NFKB2: variants seen among roughly 807,000 people sequenced by gnomAD.
The protein encoded by NFKB2 is nuclear factor NF-kappa-B p100 subunit.
A neutral mutation model predicts 109.3 loss-of-function variants in NFKB2; 21 were observed. The ratio of observed to expected loss-of-function variants is 0.19; its 90% CI spans 0.14 to 0.28. The LOEUF is 0.28. NFKB2 is among the 10% of genes least tolerant of loss of function. NFKB2 has a pLI of 1.00. For missense variants in NFKB2, 806 were observed against 1,185.3 expected (o/e 0.68, Z 4.70); for synonymous variants, 478 against 489.9 (o/e 0.98, Z 0.32).
In NFKB2 at chr10:102,399,202, C is replaced by T. The variant is rs1589864306; in HGVS notation, c.1118-86C>T. ...TGCACTCCAGGCTGGGCAATAAGAG[C>T]GAAACTCCGTCTCAAAAAAAAAAAA... On this transcript the variant is annotated intron_variant, in intron 12 of 22. Coordinates refer to ENST00000661543, the MANE Select transcript of NFKB2 (RefSeq NM_001322934.2). 11 of 1,309,350 alleles carry T rather than the reference C, an allele frequency of 8.4e-6. No homozygotes were observed. In the East Asian group the frequency reaches 2.5e-4, roughly 30 times the overall value. 81.1% of individuals were successfully genotyped at this position (1,309,350 alleles called of 1,614,324 possible).
rs750923303 is a variant in NFKB2, at chr10:102,399,272, C to A, written c.1118-16C>A. On this transcript the variant is annotated splice_polypyrimidine_tract_variant and intron_variant, in intron 12 of 22. Coordinates refer to ENST00000661543, the MANE Select transcript of NFKB2 (RefSeq NM_001322934.2). ...TGGCTGGTGCCCGCTTCCCACAGCC[C>A]TGCCTGTATCCACAGGTGGCAGCCT... is the stretch of plus-strand genomic sequence containing the variant. 1.9e-6 allele frequency: 3 copies of A among 1,582,394 alleles called. No individual in the cohort carries two copies. The highest frequency in any genetic ancestry group is 2.6e-6 in the Non-Finnish European group (3 of 1,164,696).
Position 102,395,736 on chromosome 10 carries a change from A to T in NFKB2, c.-133A>T. ...CCTGCCCCTTCCCCGGCCAAGCCCA[A>T]CTCCGGATCTCGCTCTCCACCGGAT... On this transcript the variant is annotated 5_prime_UTR_variant, in exon 1 of 23. Coordinates refer to ENST00000661543, the MANE Select transcript of NFKB2 (RefSeq NM_001322934.2). 3.3e-6 allele frequency: 2 copies of T among 598,186 alleles called. No homozygotes were observed. The highest frequency in any genetic ancestry group is 3.9e-5 in the South Asian group (2 of 50,700). The allele number at this position is 598,186 out of a possible 1,614,324, so 37.1% of individuals were successfully genotyped here. A position where few individuals can be genotyped will look rare whatever the true frequency, so the allele number is the denominator to read the frequency against.
At position 102,399,466 on chromosome 10, in the gene NFKB2, C is replaced by G; in HGVS notation, c.1296C>G (p.Cys432Trp). The change falls in exon 13 of 23, where the codon TGC becomes TGG. Residue 432 changes from cysteine to tryptophan, a missense_variant. This residue lies in a region of NFKB2 where 209 missense variants were observed against 211.9 expected (regional missense o/e 0.99). Coordinates refer to ENST00000661543, the MANE Select transcript of NFKB2 (RefSeq NM_001322934.2). ...EPSAPSRTPQ[C>W]EPQAPEMLQR... ...GCGCCCCCTCCAGGACCCCCCAGTG[C>G]GAGCCGCAGGCCCCGGAGATGCTGC... The G allele has an allele frequency of 6.7e-7, 1 of 1,501,710 alleles. No individual in the cohort carries two copies. The highest frequency in any genetic ancestry group is 8.9e-7 in the Non-Finnish European group (1 of 1,123,120). 93.0% of individuals were successfully genotyped at this position (1,501,710 alleles called of 1,614,324 possible). A position where few individuals can be genotyped will look rare whatever the true frequency, so the allele number is the denominator to read the frequency against.
Position 102,398,933 on chromosome 10 carries a change from G to A in NFKB2, c.1117+69G>A. ...TGTGGAGGAAAAAAATCTGGGGGAGGCCGGGCGTGGTGGCTCACGCCTGTA... is the reference window on the plus strand; with the variant it reads ...TGTGGAGGAAAAAAATCTGGGGGAGACCGGGCGTGGTGGCTCACGCCTGTA... On this transcript the variant is annotated intron_variant, in intron 12 of 22. Coordinates refer to ENST00000661543, the MANE Select transcript of NFKB2 (RefSeq NM_001322934.2). The surrounding 1 kb of genome is among the most constrained non-coding windows in gnomAD (Gnocchi z 6.6). 3.3e-6 allele frequency: 5 copies of A among 1,517,506 alleles called. No individual in the cohort carries two copies. Among genetic ancestry groups the A allele is most frequent in the Non-Finnish European group, 4.5e-6 (5 of 1,121,158 alleles). The allele number at this position is 1,517,506 out of a possible 1,614,324, so 94.0% of individuals were successfully genotyped here. A position where few individuals can be genotyped will look rare whatever the true frequency, so the allele number is the denominator to read the frequency against.
rs746381549 is a variant in NFKB2 at position 102,397,309 on chromosome 10, A to G, written c.403A>G (p.Asn135Asp). 1 of 1,614,104 alleles carries G rather than the reference A, an allele frequency of 6.2e-7. No individual in the cohort carries two copies. The highest frequency in any genetic ancestry group is 8.5e-7 in the Non-Finnish European group (1 of 1,179,946). ...GPKDMTAQFN[N>D]LGVLHVTKKN... ...CCGATTCTCTCTTCTCAGATTTAAC[A>G]ACCTGGGTGTCCTGCATGTGACTAA... Residue 135 changes from asparagine to aspartate, a missense_variant, in exon 7 of 23, where the codon AAC becomes GAC. Asn to Asp is a conservative substitution (Grantham distance 23). Transcript: ENST00000661543. The surrounding 1 kb of genome is among the most constrained non-coding windows in gnomAD (Gnocchi z 4.7).
upstream of NFKB2, chr10:102,394,412 CAG>C: frequency 6.6e-6 from 1 of 152,642 alleles, no homozygotes; most frequent in South Asian, 2.1e-4. Flanking sequence ...TGCGCCAGTC[CAG>C]AGTTAAACTT....
upstream of NFKB2, chr10:102,394,735 G>A (rs11574844): frequency 6.6e-6 from 1 of 152,646 alleles, no homozygotes; most frequent in African/African-American, 2.4e-5. Flanking sequence ...GACGACACTC[G>A]GATCCACGTC....
In NFKB2 at chr10:102,397,627, T is replaced by C; in HGVS notation, c.603T>C (p.Ser201=). The change falls in exon 8 of 23, where the codon AGT becomes AGC. Residue 201 remains serine (S), a synonymous_variant. Transcript: ENST00000661543. This position sits in a 1 kb window ranked among gnomAD's most constrained non-coding sequence, Gnocchi z 4.7. The stretch of plus-strand genomic sequence containing the variant: ...GCTTCTCTGCCTTCCTTAGAGCCAG[T>C]GATGGCTCCTTCTCCCTGCCCCTGA... ...RLRFSAFLRA[S]DGSFSLPLKP... 2 of 1,613,876 alleles carry C rather than the reference T, an allele frequency of 1.2e-6. No individual in the cohort carries two copies. Among genetic ancestry groups the C allele is most frequent in the Non-Finnish European group, 1.7e-6 (2 of 1,179,766 alleles).
In NFKB2 at chr10:102,401,081, G is replaced by A. The variant is rs1364214805; in HGVS notation, c.2071+32G>A. On this transcript the variant is annotated intron_variant, in intron 18 of 22. Transcript: ENST00000661543. The surrounding 1 kb of genome is among the most constrained non-coding windows in gnomAD (Gnocchi z 4.2). ...CTCACCCTCAGGGGCACTTGAACAG[G>A]GTGGGGGGAAGGGAGAGAGGTGCCT... 6.2e-7 allele frequency: 1 copy of A among 1,613,724 alleles called. No homozygotes were observed. The highest frequency in any genetic ancestry group is 1.7e-5 in the Admixed American group (1 of 60,006).
chr10:102,399,694 C>T lies in NFKB2; in HGVS notation c.1445C>T (p.Thr482Met), dbSNP rs1589866113. The T allele has an allele frequency of 1.3e-6, 2 of 1,500,996 alleles. No homozygotes were observed. The highest frequency in any genetic ancestry group is 2.2e-5 in the Admixed American group (1 of 45,048). The allele number at this position is 1,500,996 out of a possible 1,614,324, so 93.0% of individuals were successfully genotyped here. Residue 482 changes from threonine to methionine, a missense_variant, in exon 14 of 23, where the codon ACG (threonine) becomes ATG (methionine). This residue lies in a region of NFKB2 where 163 missense variants were observed against 207.1 expected (regional missense o/e 0.79). Transcript: ENST00000661543. ...ALLAGQRHLL[T>M]AQDENGDTPL... is the part of the protein sequence containing the mutation. The stretch of plus-strand genomic sequence containing the variant: ...CTGGCGGGACAGCGCCACCTGCTGA[C>T]GGCGCAGGACGAGAACGGAGACACG...
rs2061251123 is a variant in NFKB2 at position 102,401,573 on chromosome 10, C to G, written c.2293+55C>G. On this transcript the variant is annotated intron_variant, in intron 20 of 22. Coordinates refer to ENST00000661543, the MANE Select transcript of NFKB2 (RefSeq NM_001322934.2). The surrounding 1 kb of genome is among the most constrained non-coding windows in gnomAD (Gnocchi z 4.2). ...CTCCTCTGACTCCTCACAGAGGTCT[C>G]TTCTCCTTCAGGACCTCTGAAGGAG... 6.3e-7 allele frequency: 1 copy of G among 1,591,666 alleles called. No homozygotes were observed. Among genetic ancestry groups the G allele is most frequent in the African/African-American group, 1.3e-5 (1 of 74,486 alleles).
In NFKB2 at chr10:102,401,624, C is replaced by A; in HGVS notation, c.2293+106C>A. On this transcript the variant is annotated intron_variant, in intron 20 of 22. Coordinates refer to ENST00000661543, the MANE Select transcript of NFKB2 (RefSeq NM_001322934.2). This position sits in a 1 kb window ranked among gnomAD's most constrained non-coding sequence, Gnocchi z 4.2. ...GCCTCCCTTTCTCTACCCTCAGCCCCGTCCATCACCCCTCATGGTCCTGTC... is the reference window on the plus strand; with the variant it reads ...GCCTCCCTTTCTCTACCCTCAGCCCAGTCCATCACCCCTCATGGTCCTGTC... 6.6e-7 allele frequency: 1 copy of A among 1,521,202 alleles called. No individual in the cohort carries two copies. The highest frequency in any genetic ancestry group is 9.0e-7 in the Non-Finnish European group (1 of 1,116,374). 94.2% of individuals were successfully genotyped at this position (1,521,202 alleles called of 1,614,324 possible).
chr10:102,396,188 A>G lies in NFKB2; in HGVS notation c.22-65A>G. On this transcript the variant is annotated intron_variant, in intron 2 of 22. Transcript: ENST00000661543. This position sits in a 1 kb window ranked among gnomAD's most constrained non-coding sequence, Gnocchi z 5.9. ...GGGAGTGACCACTGAAGACTTGGAG[A>G]TGGGAGGTGGGGCTGTGGGGGGTGC... The G allele has an allele frequency of 6.5e-7, 1 of 1,542,310 alleles. No individual in the cohort carries two copies. The highest frequency in any genetic ancestry group is 1.7e-5 in the Admixed American group (1 of 58,130).
rs45471103 is a variant in NFKB2 at position 102,399,603 on chromosome 10, G to A, written c.1354G>A (p.Gly452Ser). Residue 452 changes from glycine to serine, a missense_variant, in exon 14 of 23, where the codon GGC becomes AGC. This residue lies in a region of NFKB2 where 209 missense variants were observed against 211.9 expected (regional missense o/e 0.99). Coordinates refer to ENST00000661543, the MANE Select transcript of NFKB2 (RefSeq NM_001322934.2). ...TCGAGAGTACAACGCGCGCCTGTTC[G>A]GCCTGGCGCAGCGCAGCGCCCGAGC... ...RAREYNARLF[G>S]LAQRSARALL... 5 of 1,548,550 alleles carry A rather than the reference G, an allele frequency of 3.2e-6. No individual in the cohort carries two copies. The highest frequency in any genetic ancestry group is 3.9e-5 in the Admixed American group (2 of 51,148).
chr10:102,396,618 G>T lies in NFKB2; in HGVS notation c.145-107G>T. 2.6e-6 allele frequency: 4 copies of T among 1,554,824 alleles called. No homozygotes were observed. Among genetic ancestry groups the T allele is most frequent in the Admixed American group, 3.5e-5 (2 of 57,848 alleles). ...AGGGGATTGGATGGTCACTGCTGCT[G>T]ATCAGAGTGCTGTAGTTTGGTTCAG... On this transcript the variant is annotated intron_variant, in intron 4 of 22. Transcript: ENST00000661543. This position sits in a 1 kb window ranked among gnomAD's most constrained non-coding sequence, Gnocchi z 5.9.
At chr10:102,395,672 C>T (rs956207358), upstream of NFKB2, 9 of 523,168 alleles carry the variant, frequency 1.7e-5, no homozygotes, top group Admixed American at 2.7e-4. Context: ...CCCGCCTCCC[C>T]TTGGTATTTT....
rs34916280 is a variant in NFKB2, at chr10:102,400,301, C to A, written c.1608C>A (p.Ile536=). 206 of 1,613,954 alleles carry A rather than the reference C, an allele frequency of 1.3e-4. 2 individuals carry two copies. The African/African-American group carries it at 2.4e-3, about 19-fold the overall frequency. The change falls in exon 16 of 23, where the codon ATC becomes ATA. Residue 536 remains isoleucine, a synonymous_variant. Transcript: ENST00000661543. This position sits in a 1 kb window ranked among gnomAD's most constrained non-coding sequence, Gnocchi z 6.3. ...LHQTPLHLAV[I]TGQTSVVSFL... ...AGACGCCCCTGCACCTGGCGGTGAT[C>A]ACGGGGCAGACGAGTGTGGTGAGCT...
At chr10:102,399,824 G>C (rs1294185640) in intron 14 of NFKB2, 106 bp downstream of exon 14, 4 of 1,409,126 alleles carry the variant, frequency 2.8e-6, no homozygotes, top group Non-Finnish European at 3.7e-6. Context: ...TTCAAGTCCG[G>C]CCTCGGTGTT....
Position 102,398,584 on chromosome 10 carries a change from T to G in NFKB2, c.991+61T>G, listed in dbSNP as rs2061158417. On this transcript the variant is annotated intron_variant, in intron 11 of 22. Transcript: ENST00000661543. The surrounding 1 kb of genome is among the most constrained non-coding windows in gnomAD (Gnocchi z 6.6). ...GGGGCCAGGCTGGGCTAGAAGAAGG[T>G]CCCAAGAGCTAGATGTGGGGATGCA... The G allele has an allele frequency of 6.2e-7, 1 of 1,608,740 alleles. No homozygotes were observed. The highest frequency in any genetic ancestry group is 8.5e-7 in the Non-Finnish European group (1 of 1,176,946).
Sources: allele counts gnomAD v4.1 joint callset, GRCh38; gene constraint gnomAD v4.1.1; regional missense constraint gnomAD v4.1.1; non-coding constraint Gnocchi (gnomAD v3.1); transcripts MANE v1.5; gene names NCBI Gene and HGNC (gene_info 2026-07-23, HGNC 2026-07-21).